Variants in TNFRSF21 observed in about 807,000 individuals in gnomAD.
TNFRSF21 encodes TNF receptor superfamily member 21, also known as tumor necrosis factor receptor superfamily member 21.
Under a neutral mutation model 45.6 loss-of-function variants are expected in TNFRSF21, and 19 were observed. That is an observed-to-expected ratio of 0.42 (90% CI 0.29 to 0.61). The LOEUF is 0.61. Among genes scored for constraint, TNFRSF21 ranks in the 20% least tolerant of loss-of-function variants. The pLI is 0.23. For synonymous variants in TNFRSF21, 314 were observed against 335.5 expected (o/e 0.94, Z 0.70); for missense variants, 737 against 851.5 (o/e 0.87, Z 1.67).
At chr6:47,272,968 A>C (rs955387999) in intron 3 of TNFRSF21, among the ~76,000 whole-genome samples, 2 of 152,206 alleles carry the variant, frequency 1.3e-5, no homozygotes, top group Non-Finnish European at 2.9e-5. Context: ...AACCAGGAGG[A>C]AGTTGAATCT....
At chr6:47,236,737 C>T (rs1308580892) in intron 4 of TNFRSF21, among the ~76,000 whole-genome samples, 1 of 152,160 alleles carries the variant, frequency 6.6e-6, no homozygotes, top group Non-Finnish European at 1.5e-5. Context: ...GCGCATGCCC[C>T]TCCTCCTTGA....
At chr6:47,234,498 C>T (rs1481459070) in intron 5 of TNFRSF21, among the ~76,000 whole-genome samples, 172 bp downstream of exon 5, 1 of 152,192 alleles carries the variant, frequency 6.6e-6, no homozygotes, top group Non-Finnish European at 1.5e-5. Flanking sequence ...CAGCCAATGG[C>T]GAGGTTACTC....
At chr6:47,271,415 A>C (rs1762417196) in intron 3 of TNFRSF21, among the ~76,000 whole-genome samples, 1 of 145,524 alleles carries the variant, frequency 6.9e-6, no homozygotes, top group African/African-American at 2.5e-5. Flanking sequence ...AGCCAAACTA[A>C]GCTTCATAAG....
In TNFRSF21 at chr6:47,232,412, T is replaced by C. The variant is rs1214805108; in HGVS notation, c.*353A>G. 1.5e-5 allele frequency: 3 copies of C among 203,640 alleles called. No individual in the cohort carries two copies. Among genetic ancestry groups the C allele is most frequent in the African/African-American group, 7.0e-5 (3 of 42,558 alleles). 12.6% of individuals were successfully genotyped at this position (203,640 alleles called of 1,614,324 possible). A position where few individuals can be genotyped will look rare whatever the true frequency, so the allele number is the denominator to read the frequency against. On this transcript the variant is annotated 3_prime_UTR_variant, in exon 6 of 6. Coordinates refer to ENST00000296861, the MANE Select transcript of TNFRSF21 (RefSeq NM_014452.5). ...AAAGTCACACTGCATTTATGGTAAG[T>C]TAAGTAAATTTAAAGTGCACAGAAT... is the stretch of plus-strand genomic sequence containing the variant.
intron 4 of TNFRSF21, among the ~76,000 whole-genome samples, chr6:47,245,037 C>A (rs1764803160): frequency 6.6e-6 from 1 of 152,188 alleles, no homozygotes; most frequent in Admixed American, 6.5e-5. Flanking sequence ...AAATAAGCTT[C>A]TTTTCACAGT....
intron 3 of TNFRSF21, among the ~76,000 whole-genome samples, chr6:47,283,333 A>C (rs1386811038): frequency 6.6e-6 from 1 of 152,212 alleles, no homozygotes; most frequent in African/African-American, 2.4e-5. Context: ...ATGATGACCG[A>C]CATATTATGC....
chr6:47,246,057 T>A (rs1348872934), intron 4 of TNFRSF21, among the ~76,000 whole-genome samples: 1 of 152,136 alleles, frequency 6.6e-6, no homozygotes, highest in Non-Finnish European at 1.5e-5. Context: ...CCTCCAACAT[T>A]GGGAATTACA....
At chr6:47,299,332 T>C (rs974220080) in intron 1 of TNFRSF21, among the ~76,000 whole-genome samples, 2 of 151,894 alleles carry the variant, frequency 1.3e-5, no homozygotes, top group Non-Finnish European at 2.9e-5. Flanking sequence ...CCGCCTCTAC[T>C]AAAAATACAA....
chr6:47,277,574 C>T (rs945287324), intron 3 of TNFRSF21, among the ~76,000 whole-genome samples: 1 of 152,192 alleles, frequency 6.6e-6, no homozygotes, highest in Non-Finnish European at 1.5e-5. Flanking sequence ...ATTAGTATCC[C>T]TGTATTACAC....
intron 4 of TNFRSF21, among the ~76,000 whole-genome samples, chr6:47,235,288 C>G (rs1205545408): frequency 2.6e-5 from 4 of 152,170 alleles, no homozygotes; most frequent in Non-Finnish European, 4.4e-5. Context: ...CCCTGACCCC[C>G]AGTACTTCAG....
At chr6:47,284,642 C>A (rs80240072) in intron 2 of TNFRSF21, among the ~76,000 whole-genome samples, 1 of 152,180 alleles carries the variant, frequency 6.6e-6, no homozygotes, top group East Asian at 1.9e-4. Context: ...CCACTAAACT[C>A]ACATTCTTAC....
intron 3 of TNFRSF21, among the ~76,000 whole-genome samples, chr6:47,279,278 G>T (rs1409866750): frequency 1.3e-5 from 2 of 152,222 alleles, no homozygotes; most frequent in African/African-American, 4.8e-5. Flanking sequence ...AGGGAGGAAG[G>T]AGAGGAAGAA....
intron 3 of TNFRSF21, among the ~76,000 whole-genome samples, chr6:47,258,075 T>C (rs578142011): frequency 1.3e-5 from 2 of 152,312 alleles, no homozygotes; most frequent in East Asian, 1.9e-4. Flanking sequence ...CAAGCATATG[T>C]TGGTGCAAAA....
chr6:47,262,372 C>A (rs1320030819), intron 3 of TNFRSF21, among the ~76,000 whole-genome samples: 1 of 152,210 alleles, frequency 6.6e-6, no homozygotes, highest in South Asian at 2.1e-4. Flanking sequence ...TCTCAAATGT[C>A]TGAAGCTGTT....
At chr6:47,250,825 C>T (rs1764891520) in intron 4 of TNFRSF21, among the ~76,000 whole-genome samples, 1 of 152,236 alleles carries the variant, frequency 6.6e-6, no homozygotes, top group African/African-American at 2.4e-5. Flanking sequence ...TGTGCAATTA[C>T]CACTTGAGCA....
intron 4 of TNFRSF21, 112 bp downstream of exon 4, chr6:47,253,144 G>A (rs546755445): frequency 4.6e-6 from 6 of 1,296,664 alleles, no homozygotes; most frequent in Non-Finnish European, 5.3e-6. Context: ...GTGTGTGTGT[G>A]TGTGCCTATC....
intron 4 of TNFRSF21, among the ~76,000 whole-genome samples, chr6:47,235,238 T>C (rs1454608858): frequency 6.6e-6 from 1 of 152,150 alleles, no homozygotes; most frequent in African/African-American, 2.4e-5. Flanking sequence ...TATAATTTAG[T>C]ATTATGAGCT....
intron 1 of TNFRSF21, among the ~76,000 whole-genome samples, chr6:47,300,804 C>T (rs1020627444): frequency 1.7e-4 from 26 of 152,270 alleles, no homozygotes; most frequent in Admixed American, 3.3e-4. Flanking sequence ...CCTTTTACGA[C>T]GTCCAAGAAG....
chr6:47,249,676 T>G (rs911935968), intron 4 of TNFRSF21, among the ~76,000 whole-genome samples: 1 of 152,164 alleles, frequency 6.6e-6, no homozygotes, highest in Non-Finnish European at 1.5e-5. Context: ...GTATTAAAAG[T>G]GTAACATTAA....
Sources: gnomAD v4.1 joint callset for allele counts (sites outside exome capture counted in the v4.1 genomes callset) on GRCh38, gnomAD v4.1.1 for gene constraint, MANE v1.5 for transcripts, NCBI Gene and HGNC (gene_info 2026-07-23, HGNC 2026-07-21) for gene names.